ADAM18: variants seen among roughly 807,000 people sequenced by gnomAD.
The protein encoded by ADAM18 is disintegrin and metalloproteinase domain-containing protein 18.
ADAM18 carries 117 observed loss-of-function variants against 94.4 expected under a neutral mutation model. The observed-to-expected ratio is 1.24, with a 90% confidence interval of 1.07 to 1.45. The LOEUF is 1.45. ADAM18 is among the 40% of genes most tolerant of loss of function. The probability of loss-of-function intolerance (pLI) is 0.00; values close to 1 mark genes in which losing one functional copy is unlikely to be tolerated. For missense variants in ADAM18, 936 were observed against 880.0 expected (o/e 1.06, Z -0.81); for synonymous variants, 327 against 291.6 (o/e 1.12, Z -1.24).
chr8:39,730,011 C>T lies in ADAM18; in HGVS notation c.*71C>T. 3.5e-6 allele frequency: 5 copies of T among 1,446,722 alleles called. No individual in the cohort carries two copies. Among genetic ancestry groups the T allele is most frequent in the Non-Finnish European group, 3.9e-6 (4 of 1,032,358 alleles). 89.6% of individuals were successfully genotyped at this position (1,446,722 alleles called of 1,614,324 possible). ...GCTTTATTTATAACCTTACGTTATC[C>T]CCAATGCATTGTAAATGTCAAACTT... On this transcript the variant is annotated 3_prime_UTR_variant, in exon 20 of 20. Transcript: ENST00000265707.
chr8:39,730,013 C>A lies in ADAM18; in HGVS notation c.*73C>A. 1 of 1,441,160 alleles carries A rather than the reference C, an allele frequency of 6.9e-7. No homozygotes were observed. Among genetic ancestry groups the A allele is most frequent in the Non-Finnish European group, 9.7e-7 (1 of 1,027,046 alleles). The allele number at this position is 1,441,160 out of a possible 1,614,324, so 89.3% of individuals were successfully genotyped here. A position where few individuals can be genotyped will look rare whatever the true frequency, so the allele number is the denominator to read the frequency against. On this transcript the variant is annotated 3_prime_UTR_variant, in exon 20 of 20. Transcript: ENST00000265707. The stretch of plus-strand genomic sequence containing the variant: ...TTTATTTATAACCTTACGTTATCCC[C>A]AATGCATTGTAAATGTCAAACTTTT...
intron 14 of ADAM18, among the ~76,000 whole-genome samples, chr8:39,674,912 G>A (rs1821258948): frequency 1.3e-5 from 2 of 152,150 alleles, no homozygotes; most frequent in Admixed American, 1.3e-4. Flanking sequence ...GAAATTCTGG[G>A]TTGAAAATTC....
intron 14 of ADAM18, among the ~76,000 whole-genome samples, chr8:39,675,398 T>C (rs1201723410): frequency 6.6e-6 from 1 of 152,242 alleles, no homozygotes; most frequent in African/African-American, 2.4e-5. Context: ...ATACCCTTTC[T>C]TCCACTTAAT....
chr8:39,614,376 T>G (rs1268672555), intron 6 of ADAM18, among the ~76,000 whole-genome samples: 1 of 152,128 alleles, frequency 6.6e-6, no homozygotes, highest in Non-Finnish European at 1.5e-5. Flanking sequence ...CAAACTAAAC[T>G]TCATAAGCAA....
chr8:39,631,773 A>G lies in ADAM18; in HGVS notation c.588+2334A>G, dbSNP rs571533064. Among the ~76,000 whole-genome samples the G allele has an allele frequency of 2.8e-4, 42 of 152,142 alleles. No homozygotes were observed. The South Asian group carries it at 8.3e-3, about 30-fold the overall frequency. On this transcript the variant is annotated intron_variant, in intron 7 of 19. Transcript: ENST00000265707. ...CACTTTGGAAAGAATTGTGATCTTA[A>G]CAATATTGAGTCATCCAATCTCTGA... is the stretch of plus-strand genomic sequence containing the variant.
At chr8:39,626,700 AT>A (rs1819780002) in intron 6 of ADAM18, among the ~76,000 whole-genome samples, 1 of 151,936 alleles carries the variant, frequency 6.6e-6, no homozygotes, top group South Asian at 2.1e-4. Flanking sequence ...AAATTCTTGT[AT>A]TTCTATAGTT....
In ADAM18 at chr8:39,653,457, A is replaced by C. The variant is rs191368677; in HGVS notation, c.1230+4930A>C. ...GACAAATTATCCTAAAATTGTATTT[A>C]TAAACACCAACATAAGTCAATATTA... On this transcript the variant is annotated intron_variant, in intron 12 of 19. Transcript: ENST00000265707. Among the ~76,000 whole-genome samples, 64 of 152,322 alleles carry C rather than the reference A, an allele frequency of 4.2e-4. No individual in the cohort carries two copies. The East Asian group carries it at 7.3e-3, about 17-fold the overall frequency.
intron 17 of ADAM18, among the ~76,000 whole-genome samples, chr8:39,700,900 G>T (rs113769803): frequency 6.6e-6 from 1 of 151,360 alleles, no homozygotes; most frequent in Admixed American, 6.6e-5. Context: ...GGATCACGAG[G>T]TCAGGAGATC....
intron 13 of ADAM18, among the ~76,000 whole-genome samples, chr8:39,666,212 A>T (rs1219015657): frequency 6.6e-6 from 1 of 151,890 alleles, no homozygotes; most frequent in East Asian, 1.9e-4. Flanking sequence ...TAATTTTTGT[A>T]TTTTTTGTAG....
chr8:39,641,674 T>A (rs1820241309), intron 10 of ADAM18, among the ~76,000 whole-genome samples: 2 of 152,174 alleles, frequency 1.3e-5, no homozygotes, highest in African/African-American at 4.8e-5. Flanking sequence ...CTAAGGATAG[T>A]GACCGCTAGC....
chr8:39,670,934 T>G (rs987851658), intron 14 of ADAM18, among the ~76,000 whole-genome samples: 1 of 152,198 alleles, frequency 6.6e-6, no homozygotes. Flanking sequence ...TTTGGCCCAA[T>G]CAAACACACA....
intron 6 of ADAM18, among the ~76,000 whole-genome samples, chr8:39,619,694 A>C (rs1819550901): frequency 6.6e-6 from 1 of 152,168 alleles, no homozygotes; most frequent in Non-Finnish European, 1.5e-5. Flanking sequence ...GAGATTGAAG[A>C]TCTCCACATG....
At chr8:39,729,155 A>G (rs1315055313) in intron 19 of ADAM18, among the ~76,000 whole-genome samples, 2 of 152,140 alleles carry the variant, frequency 1.3e-5, no homozygotes, top group Non-Finnish European at 2.9e-5. Flanking sequence ...TTTGTGGGCC[A>G]CAGAGGATGG....
At position 39,585,308 on chromosome 8, in the gene ADAM18, C is replaced by G. The variant is rs150907859; in HGVS notation, c.88C>G (p.Pro30Ala). ...SEGIFLHVTV[P>A]RKIKSNDSEV... ...AGGAATATTTCTGCATGTCACAGTT[C>G]CACGGAAGATTAAGTCAAATGACAG... is the stretch of plus-strand genomic sequence containing the variant. The change falls in exon 2 of 20, where the codon CCA becomes GCA. Residue 30 changes from proline to alanine, a missense_variant. Physicochemically the swap from Pro to Ala is conservative, Grantham distance 27 (BLOSUM62 -1). Transcript: ENST00000265707. 9 of 1,613,206 alleles carry G rather than the reference C, an allele frequency of 5.6e-6. No individual in the cohort carries two copies. In the East Asian group the frequency reaches 1.8e-4, roughly 32 times the overall value.
chr8:39,677,452 C>T lies in ADAM18; in HGVS notation c.1547C>T (p.Ala516Val), dbSNP rs746934212. Reference protein sequence around the residue: ...FGKGAQGAPFACFKEVNSLHE... With the variant: ...FGKGAQGAPFVCFKEVNSLHE... ...TAAGGTGCTCAAGGTGCTCCATTTG[C>T]CTGTTTTAAAGAAGTTAATTCTCTG... Residue 516 changes from alanine to valine, a missense_variant, in exon 15 of 20, where the codon GCC becomes GTC. Physicochemically the swap from Ala to Val is moderately conservative, Grantham distance 64. Coordinates refer to ENST00000265707, the MANE Select transcript of ADAM18 (RefSeq NM_014237.3). 2.5e-6 allele frequency: 4 copies of T among 1,607,704 alleles called. No individual in the cohort carries two copies. The highest frequency in any genetic ancestry group is 2.7e-5 in the African/African-American group (2 of 74,674).
chr8:39,676,898 T>A (rs546676850), intron 14 of ADAM18, among the ~76,000 whole-genome samples: 37 of 152,214 alleles, frequency 2.4e-4, no homozygotes, highest in Non-Finnish European at 5.1e-4. Context: ...TCTGTTTCCC[T>A]CCATCATAAT....
chr8:39,654,309 A>G (rs2129579785), intron 12 of ADAM18, among the ~76,000 whole-genome samples: 1 of 151,218 alleles, frequency 6.6e-6, no homozygotes, highest in East Asian at 1.9e-4. Flanking sequence ...TGACCTTGTG[A>G]TCCACCCGCC....
chr8:39,677,361 T>C, intron 14 of ADAM18, 70 bp from the exon 15 acceptor site: 11 of 1,245,612 alleles, frequency 8.8e-6, no homozygotes, highest in Non-Finnish European at 1.0e-5. Context: ...TAAATTTCCT[T>C]AGTCTGTTAC....
intron 6 of ADAM18, among the ~76,000 whole-genome samples, chr8:39,628,416 AATAGATAG>A (rs10689403): frequency 0.14 from 21,441 of 148,192 alleles, 1,608 homozygotes; most frequent in African/African-American, 0.18. Context: ...CTGATAGATC[AATAGATAG>A]ATAGATAGAT....
Sources: gnomAD v4.1 joint callset for allele counts (sites outside exome capture counted in the v4.1 genomes callset) on GRCh38, gnomAD v4.1.1 for gene constraint, MANE v1.5 for transcripts, NCBI Gene and HGNC (gene_info 2026-07-23, HGNC 2026-07-21) for gene names.